RHBDD1: variants seen among roughly 807,000 people sequenced by gnomAD.
The protein encoded by RHBDD1 is rhomboid-related protein 4.
In RHBDD1, 38 loss-of-function variants were observed where a neutral mutation model predicts 36.3. The observed-to-expected ratio is 1.05, with a 90% CI of 0.81 to 1.37. RHBDD1 has a LOEUF of 1.37. RHBDD1 is among the 40% of genes most tolerant of loss of function. The probability of loss-of-function intolerance (pLI) is 0.00; values close to 1 mark genes in which losing one functional copy is unlikely to be tolerated. For synonymous variants in RHBDD1, 151 were observed against 136.5 expected, an observed-to-expected ratio of 1.11 and a Z score of -0.74; for missense variants, 393 against 377.6, an observed-to-expected ratio of 1.04 and a Z score of -0.34.
intron 8 of RHBDD1, among the ~76,000 whole-genome samples, chr2:226,937,921 A>G (rs574763606): frequency 2.4e-4 from 36 of 152,274 alleles, no homozygotes; most frequent in African/African-American, 8.7e-4. Flanking sequence ...ATGTGTTTTT[A>G]TAATAGGACA....
At chr2:226,824,385 T>C in the RHBDD1 span, among the ~76,000 whole-genome samples, 1 of 152,162 alleles carries the variant, frequency 6.6e-6, no homozygotes, top group Admixed American at 6.6e-5. Context: ...AAAAATTAAA[T>C]TGTAAAAAAA....
At chr2:226,949,969 C>T (rs767803532) in intron 8 of RHBDD1, among the ~76,000 whole-genome samples, 1 of 152,168 alleles carries the variant, frequency 6.6e-6, no homozygotes, top group Non-Finnish European at 1.5e-5. Flanking sequence ...CTGTTTTTCA[C>T]GTACTCCACA....
chr2:226,991,397 G>T (rs1958170863), intron 8 of RHBDD1, among the ~76,000 whole-genome samples: 2 of 152,162 alleles, frequency 1.3e-5, no homozygotes, highest in African/African-American at 4.8e-5. Context: ...GGCCCGGATG[G>T]TCTCAATCTC....
intron 8 of RHBDD1, among the ~76,000 whole-genome samples, chr2:226,991,788 T>C (rs987993192): frequency 6.6e-6 from 1 of 152,124 alleles, no homozygotes; most frequent in Non-Finnish European, 1.5e-5. Flanking sequence ...TAATCACAGG[T>C]TGTCAAACTT....
rs148575950 is a variant in RHBDD1, at chr2:226,865,213, T to C, written c.433+87T>C. 8.7e-4 allele frequency: 922 copies of C among 1,053,848 alleles called. 4 individuals carry two copies. In the African/African-American group the frequency reaches 0.013, roughly 15 times the overall value. The allele number at this position is 1,053,848 out of a possible 1,614,324, so 65.3% of individuals were successfully genotyped here. A position where few individuals can be genotyped will look rare whatever the true frequency, so the allele number is the denominator to read the frequency against. On this transcript the variant is annotated intron_variant, in intron 4 of 8. Transcript: ENST00000392062. ...TCATTTTATGAAGTGTGGGTCCCTA[T>C]CAAATTCTGAGTGGTTAAGGGCTGC...
intron 8 of RHBDD1, among the ~76,000 whole-genome samples, chr2:226,952,388 C>A (rs1352793817): frequency 6.6e-6 from 1 of 151,018 alleles, no homozygotes. Flanking sequence ...ACTTCTGCCT[C>A]CCGGGTTCAA....
At chr2:226,986,927 C>G (rs572703433) in intron 8 of RHBDD1, among the ~76,000 whole-genome samples, 2 of 152,336 alleles carry the variant, frequency 1.3e-5, no homozygotes, top group South Asian at 4.1e-4. Context: ...GGGGCCAACC[C>G]AAATGCCCAT....
intron 8 of RHBDD1, among the ~76,000 whole-genome samples, chr2:226,924,246 G>C (rs992928374): frequency 9.9e-5 from 15 of 152,250 alleles, no homozygotes; most frequent in Middle Eastern, 3.4e-3. Flanking sequence ...TGCTAGGATT[G>C]AGTCTTTCTC....
At chr2:226,923,223 C>T (rs1055155419) in intron 8 of RHBDD1, among the ~76,000 whole-genome samples, 1 of 152,174 alleles carries the variant, frequency 6.6e-6, no homozygotes, top group Non-Finnish European at 1.5e-5. Flanking sequence ...TTGATGAAAT[C>T]TCTCAGCTTT....
At chr2:226,895,831 C>T (rs926384655) in intron 5 of RHBDD1, 200 of 984,650 alleles carry the variant, frequency 2.0e-4, no homozygotes, top group South Asian at 9.4e-4. Context: ...TAGGCTTATC[C>T]ACCACATTGA....
At chr2:226,941,345 T>C (rs1311041008) in intron 8 of RHBDD1, among the ~76,000 whole-genome samples, 2 of 152,214 alleles carry the variant, frequency 1.3e-5, no homozygotes. Context: ...CCTTCAGCCT[T>C]CTGGGCTTGA....
At position 226,851,839 on chromosome 2, in the gene RHBDD1, A is replaced by G. The variant is rs114657294; in HGVS notation, c.-91+12212A>G. Among the ~76,000 whole-genome samples, 301 of 152,260 alleles carry G rather than the reference A, an allele frequency of 2.0e-3. 1 individual carries two copies. The highest frequency in any genetic ancestry group is 3.5e-3 in the Non-Finnish European group (236 of 68,008). On this transcript the variant is annotated intron_variant, in intron 3 of 8. Coordinates refer to ENST00000392062, the MANE Select transcript of RHBDD1 (RefSeq NM_001167608.3). The stretch of plus-strand genomic sequence containing the variant: ...AGCCTTTTGCCTTTACCTGAAACCA[A>G]TGCTCATGTAGTTCCTTTGGATCTT...
intron 3 of RHBDD1, among the ~76,000 whole-genome samples, chr2:226,859,086 G>A (rs1943597123): frequency 6.6e-6 from 1 of 152,164 alleles, no homozygotes; most frequent in Non-Finnish European, 1.5e-5. Context: ...AGATGAATAT[G>A]CCATAGGTAT....
upstream of RHBDD1, among the ~76,000 whole-genome samples, chr2:226,830,798 G>C (rs574288271): frequency 6.1e-5 from 9 of 146,972 alleles, no homozygotes; most frequent in African/African-American, 2.4e-4. Context: ...TCAGCCTCCT[G>C]AGTAGCTGGG....
rs1179930282 is a variant in RHBDD1, at chr2:226,951,039, G to A, written c.856+36688G>A. Among the ~76,000 whole-genome samples, 19 of 151,960 alleles carry A rather than the reference G, an allele frequency of 1.3e-4. No homozygotes were observed. In the East Asian group the frequency reaches 2.1e-3, roughly 17 times the overall value. Reference sequence around the variant, plus strand: ...TCAGGGTCATATCTAAAAAATTATTGCCCAGACCAATGTAATGGAGCTCTT... The same window carrying A: ...TCAGGGTCATATCTAAAAAATTATTACCCAGACCAATGTAATGGAGCTCTT... On this transcript the variant is annotated intron_variant, in intron 8 of 8. Transcript: ENST00000392062.
At chr2:226,914,461 T>TATC (rs1394021705) in intron 8 of RHBDD1, 110 bp downstream of exon 8, 1 of 1,259,818 alleles carries the variant, frequency 7.9e-7, no homozygotes, top group Non-Finnish European at 1.1e-6. Context: ...AGAAAAAGGA[T>TATC]ATGTAGATGA....
rs1250361462 is a variant in RHBDD1, at chr2:226,839,454, A to G, written c.-264A>G. 5 of 152,120 alleles carry G rather than the reference A, an allele frequency of 3.3e-5. No individual in the cohort carries two copies. The highest frequency in any genetic ancestry group is 2.9e-5 in the Non-Finnish European group (2 of 68,020). The allele number at this position is 152,120 out of a possible 1,614,324, so 9.4% of individuals were successfully genotyped here. A position where few individuals can be genotyped will look rare whatever the true frequency, so the allele number is the denominator to read the frequency against. ...TTACCTGTAAAACTCAGGAGCCGAG[A>G]AGCTTTAAGAACAGTGAGGTTGAAG... On this transcript the variant is annotated 5_prime_UTR_variant, in exon 3 of 9. Coordinates refer to ENST00000392062, the MANE Select transcript of RHBDD1 (RefSeq NM_001167608.3).
chr2:226,986,488 GA>G (rs1230821901), intron 8 of RHBDD1, among the ~76,000 whole-genome samples: 5 of 151,848 alleles, frequency 3.3e-5, no homozygotes, highest in Non-Finnish European at 7.4e-5. Context: ...AAATTTACAA[GA>G]AAAAAATAAC....
chr2:226,860,614 G>A (rs1943767908), intron 3 of RHBDD1, among the ~76,000 whole-genome samples: 1 of 152,158 alleles, frequency 6.6e-6, no homozygotes, highest in Admixed American at 6.5e-5. Context: ...CTTGTGACAG[G>A]TTGCATCCCT....
Sources: gnomAD v4.1 joint callset for allele counts (sites outside exome capture counted in the v4.1 genomes callset) on GRCh38, gnomAD v4.1.1 for gene constraint, MANE v1.5 for transcripts, NCBI Gene and HGNC (gene_info 2026-07-23, HGNC 2026-07-21) for gene names.